The following EVC2 variants were observed in gnomAD, a reference collection of about 807,000 sequenced individuals.
EVC2 encodes EvC ciliary complex subunit 2, also known as limbin.
A neutral mutation model predicts 149.3 loss-of-function variants in EVC2; 148 were observed. The observed-to-expected ratio is 0.99, with a 90% CI of 0.87 to 1.14. The LOEUF (loss-of-function observed/expected upper bound fraction) is 1.14. Ranked by LOEUF, EVC2 falls within the 50% of genes most tolerant of loss-of-function variation. The pLI is 0.00. For missense variants in EVC2, 1,854 were observed against 1,627.3 expected, an observed-to-expected ratio of 1.14 and a Z score of -2.40; for synonymous variants, 776 against 649.9, an observed-to-expected ratio of 1.19 and a Z score of -2.95.
intron 13 of EVC2, among the ~76,000 whole-genome samples, chr4:5,624,846 T>C (rs1468467152): frequency 6.6e-6 from 1 of 152,178 alleles, no homozygotes; most frequent in African/African-American, 2.4e-5. Flanking sequence ...ATTGATCAAA[T>C]TTGAAAGTTA....
rs1712144351 is a variant in EVC2, at chr4:5,584,906, G to A, written c.2830-56C>T. ...AGAGAGCAGTGAGTAGAGGAGGGTG[G>A]AGGAGAACAAACAGCCTTTCAGAGT... On this transcript the variant is annotated intron_variant, in intron 16 of 21. Transcript: ENST00000344408. 1.9e-6 allele frequency: 3 copies of A among 1,584,064 alleles called. No homozygotes were observed. In the African/African-American group the frequency reaches 4.0e-5, roughly 21 times the overall value.
At chr4:5,706,748 G>T (rs570798795) in intron 1 of EVC2, among the ~76,000 whole-genome samples, 22 of 152,210 alleles carry the variant, frequency 1.4e-4, no homozygotes, top group Non-Finnish European at 2.2e-4. Context: ...CCAGAGAGAC[G>T]GAAGAAGGCT....
In EVC2 at chr4:5,562,692, C is replaced by T; in HGVS notation, c.*156G>A. ...TGGAAATTCATGAGACAAGATTAAACCGAGTCCCTGCAAGTTGGCATGCGC... is the reference window on the plus strand; with the variant it reads ...TGGAAATTCATGAGACAAGATTAAATCGAGTCCCTGCAAGTTGGCATGCGC... On this transcript the variant is annotated 3_prime_UTR_variant, in exon 22 of 22. Coordinates refer to ENST00000344408, the MANE Select transcript of EVC2 (RefSeq NM_147127.5). This position sits in a 1 kb window ranked among gnomAD's most constrained non-coding sequence, Gnocchi z 4.3. 6.6e-7 allele frequency: 1 copy of T among 1,505,794 alleles called. No individual in the cohort carries two copies. The highest frequency in any genetic ancestry group is 8.8e-7 in the Non-Finnish European group (1 of 1,135,212). 93.3% of individuals were successfully genotyped at this position (1,505,794 alleles called of 1,614,324 possible).
intron 21 of EVC2, among the ~76,000 whole-genome samples, chr4:5,543,550 T>A (rs1341820200): frequency 6.6e-6 from 1 of 151,786 alleles, no homozygotes; most frequent in Non-Finnish European, 1.5e-5. Flanking sequence ...ACATTACAAA[T>A]AAAAACCAGT....
chr4:5,681,168 C>T, intron 7 of EVC2, 92 bp downstream of exon 7: 2 of 1,439,918 alleles, frequency 1.4e-6, no homozygotes, highest in East Asian at 4.5e-5. Flanking sequence ...CCAAGGCCAG[C>T]AGCTGGCCGC....
In EVC2 at chr4:5,567,471, T is replaced by C. The variant is rs1419941175; in HGVS notation, c.3557+973A>G. 1.9e-4 allele frequency among the ~76,000 whole-genome samples: 29 copies of C among 152,192 alleles called. No homozygotes were observed. Among genetic ancestry groups the C allele is most frequent in the Admixed American group, 1.9e-3 (29 of 15,286 alleles). ...CGGGCTCCCAGATGCCCTCCTGGCCTCCTCTGCATCCTTGCTGAGGCTGTG... is the reference window on the plus strand; with the variant it reads ...CGGGCTCCCAGATGCCCTCCTGGCCCCCTCTGCATCCTTGCTGAGGCTGTG... On this transcript the variant is annotated intron_variant, in intron 20 of 21. Transcript: ENST00000344408. The surrounding 1 kb of genome is among the most constrained non-coding windows in gnomAD (Gnocchi z 4.4).
intron 16 of EVC2, among the ~76,000 whole-genome samples, chr4:5,598,580 A>G (rs1328960433): frequency 2.0e-5 from 3 of 152,218 alleles, no homozygotes; most frequent in African/African-American, 7.2e-5. Flanking sequence ...AAGATGGATT[A>G]AAGACTTAAA....
In EVC2 at chr4:5,688,923, C is replaced by T. The variant is rs139614771; in HGVS notation, c.706+234G>A. 3.6e-4 allele frequency among the ~76,000 whole-genome samples: 55 copies of T among 152,230 alleles called. No homozygotes were observed. In the East Asian group the frequency reaches 9.3e-3, roughly 26 times the overall value. ...TTAAAAATTTCCCACAACTCTTTCC[C>T]CAAATCCAACATCTCTCTAAGATAA... is the stretch of plus-strand genomic sequence containing the variant. On this transcript the variant is annotated intron_variant, in intron 5 of 21. Coordinates refer to ENST00000344408, the MANE Select transcript of EVC2 (RefSeq NM_147127.5).
At chr4:5,668,258 T>C (rs1174154360) in intron 7 of EVC2, among the ~76,000 whole-genome samples, 3 of 152,218 alleles carry the variant, frequency 2.0e-5, no homozygotes, top group Non-Finnish European at 4.4e-5. Context: ...CCTGACCTTC[T>C]AGACTGTCAA....
intron 16 of EVC2, among the ~76,000 whole-genome samples, chr4:5,597,677 T>G (rs1276890511): frequency 6.8e-6 from 1 of 147,330 alleles, no homozygotes; most frequent in Admixed American, 7.0e-5. Flanking sequence ...ATGCCCTCTC[T>G]CACCACTCCT....
At chr4:5,577,716 T>C (rs1361334072) in intron 17 of EVC2, among the ~76,000 whole-genome samples, 1 of 152,108 alleles carries the variant, frequency 6.6e-6, no homozygotes, top group Admixed American at 6.5e-5. Flanking sequence ...CGGAGAACCT[T>C]CTATCCCCCC....
intron 1 of EVC2, among the ~76,000 whole-genome samples, chr4:5,706,353 GACAC>G (rs371037780): frequency 0.42 from 5,876 of 14,108 alleles, 2,460 homozygotes; most frequent in African/African-American, 0.57. Context: ...TAGATAGATA[GACAC>G]ATAGATAGAT....
At position 5,576,160 on chromosome 4, in the gene EVC2, G is replaced by C. The variant is rs1045709679; in HGVS notation, c.3272+80C>G. The stretch of plus-strand genomic sequence containing the variant: ...AGGGTGAGAGCCCAGGTGGGTATGG[G>C]TGGGCTGAGTTGGAGATGCCAGGTT... On this transcript the variant is annotated intron_variant, in intron 18 of 21. Coordinates refer to ENST00000344408, the MANE Select transcript of EVC2 (RefSeq NM_147127.5). This position sits in a 1 kb window ranked among gnomAD's most constrained non-coding sequence, Gnocchi z 4.5. 1.2e-6 allele frequency: 2 copies of C among 1,609,804 alleles called. No homozygotes were observed. Among genetic ancestry groups the C allele is most frequent in the Admixed American group, 3.3e-5 (2 of 60,008 alleles).
chr4:5,706,606 T>C (rs375396863), intron 1 of EVC2, among the ~76,000 whole-genome samples: 8 of 151,950 alleles, frequency 5.3e-5, no homozygotes, highest in African/African-American at 1.9e-4. Flanking sequence ...ACACCATTGC[T>C]CAGAAGAGGA....
At chr4:5,540,879 C>T (rs372426948), downstream of EVC2, among the ~76,000 whole-genome samples, 1 of 152,138 alleles carries the variant, frequency 6.6e-6, no homozygotes, top group Non-Finnish European at 1.5e-5. Context: ...CCCATCAGAT[C>T]GCCAGAATTC....
chr4:5,596,818 C>G lies in EVC2; in HGVS notation c.2830-11968G>C, dbSNP rs187622662. Among the ~76,000 whole-genome samples, 569 of 152,156 alleles carry G rather than the reference C, an allele frequency of 3.7e-3. 2 individuals are homozygous for G. Among genetic ancestry groups the G allele is most frequent in the African/African-American group, 0.013 (541 of 41,524 alleles). On this transcript the variant is annotated intron_variant, in intron 16 of 21. Coordinates refer to ENST00000344408, the MANE Select transcript of EVC2 (RefSeq NM_147127.5). ...ATCAACAAAACTGATAGACCGCTAG[C>G]AAGACTAATAAAGAAGAAAAGAGAG... is the stretch of plus-strand genomic sequence containing the variant.
intron 11 of EVC2, among the ~76,000 whole-genome samples, chr4:5,630,328 T>C (rs754614778): frequency 3.3e-5 from 5 of 152,082 alleles, no homozygotes; most frequent in Non-Finnish European, 5.9e-5. Context: ...GTCTTGTCAG[T>C]GGTTGGGTGA....
chr4:5,646,822 C>G (rs1030368802), intron 9 of EVC2, among the ~76,000 whole-genome samples: 1 of 152,078 alleles, frequency 6.6e-6, no homozygotes, highest in Non-Finnish European at 1.5e-5. Context: ...AATAGGTTAC[C>G]AGGCAACATG....
In EVC2 at chr4:5,654,124, G is replaced by C. The variant is rs543169859; in HGVS notation, c.1145+8983C>G. On this transcript the variant is annotated intron_variant, in intron 9 of 21. Transcript: ENST00000344408. ...AGCTACTCAGGAGGCTGAGGCAGGAGAATCACTTGAACCTAGGAGGCGGAG... is the reference window on the plus strand; with the variant it reads ...AGCTACTCAGGAGGCTGAGGCAGGACAATCACTTGAACCTAGGAGGCGGAG... 2.6e-5 allele frequency among the ~76,000 whole-genome samples: 4 copies of C among 152,302 alleles called. No individual in the cohort carries two copies. The South Asian group carries it at 8.3e-4, about 32-fold the overall frequency.
Sources: allele counts gnomAD v4.1 joint callset (sites outside exome capture counted in the v4.1 genomes callset), GRCh38; gene constraint gnomAD v4.1.1; non-coding constraint Gnocchi (gnomAD v3.1); transcripts MANE v1.5; gene names NCBI Gene and HGNC (gene_info 2026-07-23, HGNC 2026-07-21).